RAD54L2: variants seen among roughly 807,000 people sequenced by gnomAD.
RAD54L2 encodes the protein RAD54 like 2.
A neutral mutation model predicts 138.4 loss-of-function variants in RAD54L2; 27 were observed. The observed-to-expected ratio is 0.20, with a 90% CI of 0.14 to 0.27. The LOEUF (loss-of-function observed/expected upper bound fraction) is 0.27, where lower values mean the gene tolerates loss of function less well. Among genes scored for constraint, RAD54L2 ranks in the 10% least tolerant of loss-of-function variants. The probability of loss-of-function intolerance (pLI) is 1.00; values close to 1 mark genes in which losing one functional copy is unlikely to be tolerated. For missense variants in RAD54L2, 1,396 were observed against 1,890.2 expected (o/e 0.74, Z 4.85); for synonymous variants, 644 against 723.2 (o/e 0.89, Z 1.76).
intron 3 of RAD54L2, among the ~76,000 whole-genome samples, chr3:51,591,261 G>C (rs757351481): frequency 6.6e-6 from 1 of 152,140 alleles, no homozygotes; most frequent in Non-Finnish European, 1.5e-5. Context: ...CAGCCACAAG[G>C]CTTCTCAATT....
intron 2 of RAD54L2, among the ~76,000 whole-genome samples, chr3:51,587,193 C>T (rs546933491): frequency 6.6e-5 from 10 of 151,766 alleles, no homozygotes; most frequent in East Asian, 1.9e-4. Context: ...CTCCGCCTCC[C>T]GGGTTCACGC....
chr3:51,661,832 G>A (rs1353085907), intron 22 of RAD54L2, among the ~76,000 whole-genome samples: 1 of 152,018 alleles, frequency 6.6e-6, no homozygotes, highest in Admixed American at 6.6e-5. Context: ...GAAGATATAT[G>A]TCATGTTTTT....
chr3:51,663,616 A>AAT lies in RAD54L2; in HGVS notation c.*197_*198insTA. 1 of 560,994 alleles carries AAT rather than the reference A, an allele frequency of 1.8e-6. No homozygotes were observed. The highest frequency in any genetic ancestry group is 1.9e-5 in the African/African-American group (1 of 52,114). 34.8% of individuals were successfully genotyped at this position (560,994 alleles called of 1,614,324 possible). A position where few individuals can be genotyped will look rare whatever the true frequency, so the allele number is the denominator to read the frequency against. On this transcript the variant is annotated 3_prime_UTR_variant, in exon 23 of 23. Coordinates refer to ENST00000684192, the MANE Select transcript of RAD54L2 (RefSeq NM_015106.4). ...AGGCAAAAAAAAAAAAAAAAAAAAA[A>AAT]AAGTCCAACACAGCAGCAATAGCGG... is the stretch of plus-strand genomic sequence containing the variant.
chr3:51,599,819 T>C lies in RAD54L2; in HGVS notation c.139+9260T>C, dbSNP rs536355997. Among the ~76,000 whole-genome samples the C allele has an allele frequency of 7.9e-5, 12 of 151,786 alleles. No homozygotes were observed. In the East Asian group the frequency reaches 2.3e-3, roughly 29 times the overall value. ...AGATAGTAGAAATGGGATTTCACAATGTTGACCGGGCTAGTCTCAAACTCC... is the reference window on the plus strand; with the variant it reads ...AGATAGTAGAAATGGGATTTCACAACGTTGACCGGGCTAGTCTCAAACTCC... On this transcript the variant is annotated intron_variant, in intron 3 of 22. Transcript: ENST00000684192.
rs1362294773 is a variant in RAD54L2 at position 51,663,435 on chromosome 3, C to T, written c.*15C>T. ...CTGGGAAATAGCTAGGGAGCCCCTC[C>T]CCACCTCACTTGGGGCCCCCAGCAG... On this transcript the variant is annotated 3_prime_UTR_variant, in exon 23 of 23. Coordinates refer to ENST00000684192, the MANE Select transcript of RAD54L2 (RefSeq NM_015106.4). The T allele has an allele frequency of 2.5e-6, 4 of 1,602,390 alleles. No individual in the cohort carries two copies. The highest frequency in any genetic ancestry group is 2.2e-5 in the East Asian group (1 of 44,622).
intron 2 of RAD54L2, 54 bp downstream of exon 2, chr3:51,541,704 A>T (rs1407525465): frequency 1.3e-5 from 2 of 152,232 alleles, no homozygotes; most frequent in Non-Finnish European, 2.9e-5. Context: ...ACTGCATAAA[A>T]TATAATGTAA....
intron 2 of RAD54L2, among the ~76,000 whole-genome samples, chr3:51,582,766 CTT>C (rs61245532): frequency 1.4e-5 from 2 of 147,236 alleles, no homozygotes; most frequent in Non-Finnish European, 3.0e-5. Flanking sequence ...CCAGGGAAGT[CTT>C]TTTTTTTTGA....
intron 3 of RAD54L2, among the ~76,000 whole-genome samples, chr3:51,615,986 CAA>C (rs1559637859): frequency 6.6e-6 from 1 of 151,580 alleles, no homozygotes; most frequent in African/African-American, 2.4e-5. Flanking sequence ...TCTTCTTTTT[CAA>C]AAAAAGTTTT....
chr3:51,591,835 T>C (rs1315555140), intron 3 of RAD54L2, among the ~76,000 whole-genome samples: 1 of 152,170 alleles, frequency 6.6e-6, no homozygotes, highest in Non-Finnish European at 1.5e-5. Flanking sequence ...CAGGTTTAGA[T>C]TGGATTTTAG....
At chr3:51,563,010 C>G (rs186922699) in intron 2 of RAD54L2, among the ~76,000 whole-genome samples, 343 of 152,314 alleles carry the variant, frequency 2.3e-3, no homozygotes, top group Non-Finnish European at 3.8e-3. Flanking sequence ...CATTACCTAA[C>G]TGTCCAATTC....
At position 51,663,863 on chromosome 3, in the gene RAD54L2, G is replaced by A. The variant is rs1701853084; in HGVS notation, c.*443G>A. ...AGGGAGAATGAGTGAGAGAAGGAGG[G>A]TGGGTAGGGGGAGCAGACTGTGATC... On this transcript the variant is annotated 3_prime_UTR_variant, in exon 23 of 23. Transcript: ENST00000684192. The A allele has an allele frequency of 6.0e-6, 1 of 165,720 alleles. No individual in the cohort carries two copies. The highest frequency in any genetic ancestry group is 1.3e-5 in the Non-Finnish European group (1 of 76,662). 10.3% of individuals were successfully genotyped at this position (165,720 alleles called of 1,614,324 possible).
chr3:51,556,679 C>G (rs1251823022), intron 2 of RAD54L2, among the ~76,000 whole-genome samples: 2 of 152,096 alleles, frequency 1.3e-5, no homozygotes, highest in African/African-American at 4.8e-5. Flanking sequence ...CGGGTTCAAG[C>G]GATTCTTCTG....
chr3:51,582,870 A>T (rs1390050627), intron 2 of RAD54L2, among the ~76,000 whole-genome samples: 2 of 151,220 alleles, frequency 1.3e-5, no homozygotes, highest in Non-Finnish European at 2.9e-5. Context: ...GGTTCACGCC[A>T]TTCTCCTGCC....
chr3:51,662,676 C>T lies in RAD54L2; in HGVS notation c.3660C>T (p.Leu1220=), dbSNP rs142498948. The T allele has an allele frequency of 2.2e-5, 35 of 1,613,776 alleles. No homozygotes were observed. Among genetic ancestry groups the T allele is most frequent in the Middle Eastern group, 1.6e-4 (1 of 6,062 alleles). The change falls in exon 23 of 23, where the codon CTC becomes CTT. Residue 1220 remains leucine (L), a synonymous_variant. Transcript: ENST00000684192. The surrounding 1 kb of genome is among the most constrained non-coding windows in gnomAD (Gnocchi z 4.6). The part of the protein sequence containing the change: ...MDSSAVPGTA[L]GTEPRLGGHC... Reference sequence around the variant, plus strand: ...GCAGTGCTGTTCCCGGGACAGCTCTCGGAACTGAGCCTCGACTAGGGGGTC... The same window carrying T: ...GCAGTGCTGTTCCCGGGACAGCTCTTGGAACTGAGCCTCGACTAGGGGGTC...
intron 4 of RAD54L2, 108 bp downstream of exon 4, chr3:51,627,862 C>T (rs1413996529): frequency 3.1e-6 from 4 of 1,271,010 alleles, no homozygotes; most frequent in South Asian, 1.3e-5. Context: ...GTTCTCTCTC[C>T]AAAGGAGAAA....
intron 2 of RAD54L2, among the ~76,000 whole-genome samples, chr3:51,585,493 A>G (rs1313405920): frequency 6.6e-6 from 1 of 152,120 alleles, no homozygotes; most frequent in Admixed American, 6.6e-5. Context: ...CCTCTTGTGT[A>G]TATCCTAATA....
At chr3:51,606,304 TAGG>T (rs1700178276) in intron 3 of RAD54L2, among the ~76,000 whole-genome samples, 1 of 152,098 alleles carries the variant, frequency 6.6e-6, no homozygotes, top group Admixed American at 6.6e-5. Context: ...GGAAGCAAGT[TAGG>T]AGGCAGAGAG....
chr3:51,546,594 C>T (rs533726882), intron 2 of RAD54L2, among the ~76,000 whole-genome samples: 1 of 151,888 alleles, frequency 6.6e-6, no homozygotes, highest in South Asian at 2.1e-4. Context: ...GAGCCGAGAT[C>T]GTGCCATTGC....
intron 2 of RAD54L2, among the ~76,000 whole-genome samples, chr3:51,576,305 T>G (rs1699479903): frequency 6.6e-6 from 1 of 152,208 alleles, no homozygotes; most frequent in South Asian, 2.1e-4. Context: ...GGTCTAAAAT[T>G]CTCTTTTTTT....
Sources: allele counts gnomAD v4.1 joint callset (sites outside exome capture counted in the v4.1 genomes callset), GRCh38; gene constraint gnomAD v4.1.1; non-coding constraint Gnocchi (gnomAD v3.1); transcripts MANE v1.5; gene names NCBI Gene and HGNC (gene_info 2026-07-23, HGNC 2026-07-21).